The following WDR27 variants were observed in gnomAD, a reference collection of about 807,000 sequenced individuals.
The protein encoded by WDR27 is WD repeat-containing protein 27.
A neutral mutation model predicts 114.4 loss-of-function variants in WDR27; 100 were observed. The observed-to-expected ratio is 0.87, with a 90% CI of 0.74 to 1.03. The LOEUF is 1.03. WDR27 is among the 50% of genes least tolerant of loss of function. WDR27 has a pLI of 0.00. For missense variants in WDR27, 1,129 were observed against 1,092.9 expected (o/e 1.03, Z -0.47); for synonymous variants, 449 against 423.1 (o/e 1.06, Z -0.75).
At position 169,636,348 on chromosome 6, in the gene WDR27, T is replaced by C. The variant is rs755812587; in HGVS notation, c.2003+23A>G. ...ACAGCTTCCTGTGATCTAAAAATAA[T>C]GCACAGGGCGGGGGGTGCCTACCTC... On this transcript the variant is annotated intron_variant, in intron 19 of 25. Coordinates refer to ENST00000448612, the MANE Select transcript of WDR27 (RefSeq NM_182552.5). 16 of 1,603,688 alleles carry C rather than the reference T, an allele frequency of 1.0e-5. No homozygotes were observed. In the South Asian group the frequency reaches 1.7e-4, roughly 17 times the overall value.
intron 25 of WDR27, among the ~76,000 whole-genome samples, chr6:169,463,124 C>A (rs1785119320): frequency 6.6e-6 from 1 of 152,128 alleles, no homozygotes; most frequent in Admixed American, 6.5e-5. Flanking sequence ...CAAGTTGGTA[C>A]CCACTAAGAG....
At chr6:169,641,576 A>T (rs1819178984) in intron 17 of WDR27, among the ~76,000 whole-genome samples, 1 of 152,156 alleles carries the variant, frequency 6.6e-6, no homozygotes, top group Admixed American at 6.5e-5. Flanking sequence ...GCGCTGGGGA[A>T]GCAGTCAAGG....
intron 1 of WDR27, among the ~76,000 whole-genome samples, chr6:169,697,672 G>A (rs577373965): frequency 3.7e-4 from 57 of 152,292 alleles, no homozygotes; most frequent in African/African-American, 1.3e-3. Flanking sequence ...CAGAAATAAC[G>A]GTGTAAGTTG....
rs539484320 is a variant in WDR27, at chr6:169,463,058, C to CA, written c.2646-5425dup. Among the ~76,000 whole-genome samples the CA allele has an allele frequency of 7.2e-5, 11 of 152,204 alleles. No individual in the cohort carries two copies. The East Asian group carries it at 1.5e-3, about 21-fold the overall frequency. On this transcript the variant is annotated intron_variant, in intron 25 of 25. Coordinates refer to ENST00000448612, the MANE Select transcript of WDR27 (RefSeq NM_182552.5). ...TTATAAACAAGCAAACAACCAACAA[C>CA]AAAAAAAGTATGTCTCATCGTTCTG...
intron 25 of WDR27, among the ~76,000 whole-genome samples, chr6:169,518,798 T>G (rs934430353): frequency 1.3e-5 from 2 of 152,252 alleles, no homozygotes; most frequent in African/African-American, 4.8e-5. Context: ...ATGGCCAGGC[T>G]GCAAATTTTC....
At chr6:169,688,759 G>A (rs1431305754) in intron 2 of WDR27, 58 bp downstream of exon 2, 14 of 1,406,112 alleles carry the variant, frequency 1.0e-5, no homozygotes, top group Non-Finnish European at 1.1e-5. Context: ...CAGCATCAAA[G>A]ACATGGAGAG....
At chr6:169,672,725 A>G (rs1031135839) in intron 2 of WDR27, among the ~76,000 whole-genome samples, 3 of 152,184 alleles carry the variant, frequency 2.0e-5, no homozygotes, top group Admixed American at 6.5e-5. Context: ...TGAAAACTGA[A>G]GAATAAGGAG....
At chr6:169,573,904 A>G (rs575354945) in intron 24 of WDR27, among the ~76,000 whole-genome samples, 1 of 152,172 alleles carries the variant, frequency 6.6e-6, no homozygotes, top group Non-Finnish European at 1.5e-5. Context: ...CTGCCTTGCT[A>G]GTTTTTTGCT....
intron 1 of WDR27, among the ~76,000 whole-genome samples, chr6:169,700,129 G>A (rs191955913): frequency 7.9e-5 from 12 of 152,318 alleles, no homozygotes; most frequent in Non-Finnish European, 1.8e-4. Flanking sequence ...TTCCAAAAGG[G>A]AGATGGTTAC....
At chr6:169,511,275 C>T (rs1172309198) in intron 25 of WDR27, among the ~76,000 whole-genome samples, 1 of 152,108 alleles carries the variant, frequency 6.6e-6, no homozygotes, top group Non-Finnish European at 1.5e-5. Context: ...AATCTAATAC[C>T]ATTCTCTGAA....
At chr6:169,526,153 T>C (rs940127711) in intron 25 of WDR27, among the ~76,000 whole-genome samples, 1 of 152,172 alleles carries the variant, frequency 6.6e-6, no homozygotes, top group African/African-American at 2.4e-5. Context: ...AACTAAGACC[T>C]AGTGCTGGAC....
chr6:169,449,722 A>T, the WDR27 span, among the ~76,000 whole-genome samples: 1 of 152,232 alleles, frequency 6.6e-6, no homozygotes, highest in Non-Finnish European at 1.5e-5. Context: ...CAGGAGGAGC[A>T]AGGTCCTGGG....
At position 169,670,053 on chromosome 6, in the gene WDR27, G is replaced by A. The variant is rs555822073; in HGVS notation, c.456+516C>T. 9.2e-5 allele frequency: 14 copies of A among 152,592 alleles called. No individual in the cohort carries two copies. The East Asian group carries it at 9.7e-4, about 11-fold the overall frequency. 9.5% of individuals were successfully genotyped at this position (152,592 alleles called of 1,614,324 possible). A position where few individuals can be genotyped will look rare whatever the true frequency, so the allele number is the denominator to read the frequency against. ...TCAGAGGAAACAAAAGTCCTCCTTC[G>A]TGTTCCCTTAGATTCCCACTTCCTG... On this transcript the variant is annotated intron_variant, in intron 4 of 25. Transcript: ENST00000448612.
intron 25 of WDR27, among the ~76,000 whole-genome samples, chr6:169,563,992 T>C (rs1165186921): frequency 6.6e-6 from 1 of 152,156 alleles, no homozygotes; most frequent in Non-Finnish European, 1.5e-5. Context: ...GAGAATTCAC[T>C]CACACCATCA....
At chr6:169,618,426 A>C (rs1812361852) in intron 21 of WDR27, among the ~76,000 whole-genome samples, 1 of 152,138 alleles carries the variant, frequency 6.6e-6, no homozygotes, top group Non-Finnish European at 1.5e-5. Flanking sequence ...ACACGTATGC[A>C]TTTTCATTTT....
At chr6:169,632,189 C>CAAAA (rs1012298678) in intron 21 of WDR27, among the ~76,000 whole-genome samples, 3 of 63,872 alleles carry the variant, frequency 4.7e-5, no homozygotes, top group Non-Finnish European at 6.6e-5. Context: ...GACTCTGTCT[C>CAAAA]AAAAAAAAAA....
At chr6:169,441,893 A>G in the WDR27 span, among the ~76,000 whole-genome samples, 1 of 151,680 alleles carries the variant, frequency 6.6e-6, no homozygotes, top group African/African-American at 2.4e-5. Flanking sequence ...TTTGACTTTG[A>G]CAATACTCAT....
chr6:169,660,399 GGGCGGCCTGGAGTGCCAGGC>G (rs1258877332), intron 10 of WDR27, among the ~76,000 whole-genome samples: 7 of 152,176 alleles, frequency 4.6e-5, no homozygotes, highest in Non-Finnish European at 8.8e-5. Context: ...GCTGGGGCCC[GGGCGGCCTGGAGTGCCAGGC>G]GAGGGCCTGG....
At chr6:169,667,042 A>T (rs1391273270) in intron 6 of WDR27, 94 bp downstream of exon 6, 2 of 1,358,452 alleles carry the variant, frequency 1.5e-6, no homozygotes, top group Non-Finnish European at 1.9e-6. Flanking sequence ...ATCCACTCGA[A>T]TGTCCCAGCT....
Sources: allele counts gnomAD v4.1 joint callset (sites outside exome capture counted in the v4.1 genomes callset), GRCh38; gene constraint gnomAD v4.1.1; transcripts MANE v1.5; gene names NCBI Gene and HGNC (gene_info 2026-07-23, HGNC 2026-07-21).